The following SIK2 variants were observed in gnomAD, a reference collection of about 807,000 sequenced individuals.
SIK2 encodes serine/threonine-protein kinase SIK2.
In SIK2, 29 loss-of-function variants were observed where a neutral mutation model predicts 103.2. That is an observed-to-expected ratio of 0.28 (90% confidence interval 0.21 to 0.38). SIK2 has a LOEUF of 0.38. Among genes scored for constraint, SIK2 ranks in the 10% least tolerant of loss-of-function variants. SIK2 has a pLI of 1.00. For synonymous variants in SIK2, 412 were observed against 446.1 expected, an observed-to-expected ratio of 0.92 and a Z score of 0.96; for missense variants, 879 against 1,171.0, an observed-to-expected ratio of 0.75 and a Z score of 3.64.
At position 111,723,350 on chromosome 11, in the gene SIK2, C is replaced by G. The variant is rs904320874; in HGVS notation, c.2148-146C>G. The G allele has an allele frequency of 1.5e-5, 12 of 822,514 alleles. No homozygotes were observed. The Middle Eastern group carries it at 1.4e-3, about 99-fold the overall frequency. 51.0% of individuals were successfully genotyped at this position (822,514 alleles called of 1,614,324 possible). Reference sequence around the variant, plus strand: ...GAGATTAGGTTTAAGAGACCCAACACAATTGGTTCCCATTCCCACTTGTTT... The same window carrying G: ...GAGATTAGGTTTAAGAGACCCAACAGAATTGGTTCCCATTCCCACTTGTTT... On this transcript the variant is annotated intron_variant, in intron 14 of 14. Transcript: ENST00000304987.
rs967581108 is a variant in SIK2, at chr11:111,719,906, C to T, written c.1398C>T (p.Pro466=). 9.9e-6 allele frequency: 16 copies of T among 1,614,016 alleles called. No homozygotes were observed. Among genetic ancestry groups the T allele is most frequent in the Middle Eastern group, 3.3e-4 (2 of 6,084 alleles). Residue 466 remains proline, a synonymous_variant, in exon 10 of 15, where the codon CCC becomes CCT. Coordinates refer to ENST00000304987, the MANE Select transcript of SIK2 (RefSeq NM_015191.3). ...LETEGEAEED[P]AHAFEAFQST... ...CAGAAGGAGAGGCCGAGGAAGACCC[C>T]GCTCATGCCTTTGAGGCATTTCAGT...
intron 3 of SIK2, among the ~76,000 whole-genome samples, chr11:111,664,324 A>G (rs1436008348): frequency 2.0e-5 from 3 of 152,160 alleles, no homozygotes; most frequent in South Asian, 2.1e-4. Flanking sequence ...AGAGCATGAA[A>G]TAAGAACCAG....
Position 111,723,623 on chromosome 11 carries a change from C to G in SIK2, c.2275C>G (p.Pro759Ala). 1.9e-6 allele frequency: 3 copies of G among 1,614,174 alleles called. No individual in the cohort carries two copies. The highest frequency in any genetic ancestry group is 1.3e-5 in the African/African-American group (1 of 75,052). ...QQLPLPRQET[P>A]PPSQQAPPFS... ...GCTGCCCCTTCCCCGCCAGGAGACTCCACCGCCTTCTCAGCAGGCCCCACC... is the reference window on the plus strand; with the variant it reads ...GCTGCCCCTTCCCCGCCAGGAGACTGCACCGCCTTCTCAGCAGGCCCCACC... Residue 759 changes from proline to alanine, a missense_variant, in exon 15 of 15, where the codon CCA becomes GCA. Physicochemically the swap from Pro to Ala is conservative, Grantham distance 27. Coordinates refer to ENST00000304987, the MANE Select transcript of SIK2 (RefSeq NM_015191.3).
chr11:111,720,450 G>GT (rs1943767325), intron 10 of SIK2, 28 bp from the exon 11 acceptor site: 1 of 1,566,556 alleles, frequency 6.4e-7, no homozygotes, highest in Non-Finnish European at 8.6e-7. Context: ...ATTGCTGTTG[G>GT]TTTTATCTGT....
In SIK2 at chr11:111,672,057, C is replaced by T. The variant is rs576894060; in HGVS notation, c.317-15944C>T. Reference sequence around the variant, plus strand: ...CCTTGTTCTGCTGCTCCAGGAACCACAACTTGTTGATGAAGGAGGCAAACT... The same window carrying T: ...CCTTGTTCTGCTGCTCCAGGAACCATAACTTGTTGATGAAGGAGGCAAACT... On this transcript the variant is annotated intron_variant, in intron 3 of 14. Transcript: ENST00000304987. The T allele has an allele frequency of 9.1e-5, 46 of 505,420 alleles. No homozygotes were observed. The Admixed American group carries it at 9.8e-4, about 11-fold the overall frequency. The allele number at this position is 505,420 out of a possible 1,614,324, so 31.3% of individuals were successfully genotyped here. A position where few individuals can be genotyped will look rare whatever the true frequency, so the allele number is the denominator to read the frequency against.
chr11:111,657,917 G>A (rs1293973620), intron 3 of SIK2, among the ~76,000 whole-genome samples: 1 of 152,058 alleles, frequency 6.6e-6, no homozygotes, highest in Non-Finnish European at 1.5e-5. Flanking sequence ...AAAATGGGCT[G>A]CAACTATACG....
At chr11:111,716,609 G>C (rs1177162702) in intron 9 of SIK2, among the ~76,000 whole-genome samples, 1 of 151,992 alleles carries the variant, frequency 6.6e-6, no homozygotes, top group Non-Finnish European at 1.5e-5. Flanking sequence ...AGAAAAATCA[G>C]ATCAATGAAA....
chr11:111,650,592 A>G (rs2135863379), intron 3 of SIK2, among the ~76,000 whole-genome samples: 1 of 152,124 alleles, frequency 6.6e-6, no homozygotes, highest in South Asian at 2.1e-4. Flanking sequence ...CTAAAAATAT[A>G]TAAACATTTT....
At chr11:111,622,714 TTAAA>T (rs35499279) in intron 3 of SIK2, among the ~76,000 whole-genome samples, 89,967 of 151,578 alleles carry the variant, frequency 0.59, 29,814 homozygotes, top group East Asian at 0.96. Context: ...TTTCAGTACT[TTAAA>T]TATGTTGCTT....
In SIK2 at chr11:111,678,853, C is replaced by T. The variant is rs11213976; in HGVS notation, c.317-9148C>T. ...AAAACCCCCTTTAAGGGTTCTTTGC[C>T]ATGAAGTGCCAGTTCATGTGCAGAG... On this transcript the variant is annotated intron_variant, in intron 3 of 14. Coordinates refer to ENST00000304987, the MANE Select transcript of SIK2 (RefSeq NM_015191.3). 6.9e-3 allele frequency among the ~76,000 whole-genome samples: 1,054 copies of T among 152,260 alleles called. 10 individuals are homozygous for T. The highest frequency in any genetic ancestry group is 0.024 in the African/African-American group (996 of 41,536).
chr11:111,700,745 T>C (rs921691935), intron 4 of SIK2, 141 bp from the exon 5 acceptor site: 2 of 982,256 alleles, frequency 2.0e-6, no homozygotes, highest in African/African-American at 3.3e-5. Context: ...CAGGGAAACA[T>C]CACAAGATAA....
At chr11:111,677,126 C>T (rs143263299) in intron 3 of SIK2, among the ~76,000 whole-genome samples, 1 of 152,188 alleles carries the variant, frequency 6.6e-6, no homozygotes, top group Admixed American at 6.5e-5. Context: ...ATGTTTAATA[C>T]CATCCAGATG....
chr11:111,615,303 AAG>A (rs1555024414), intron 1 of SIK2, among the ~76,000 whole-genome samples: 48 of 150,074 alleles, frequency 3.2e-4, no homozygotes, highest in Non-Finnish European at 5.8e-4. Context: ...AAAAAAAAAA[AAG>A]AAGAAAAGTT....
chr11:111,683,637 A>C (rs1020854239), intron 3 of SIK2, among the ~76,000 whole-genome samples: 4 of 151,888 alleles, frequency 2.6e-5, no homozygotes, highest in Non-Finnish European at 5.9e-5. Context: ...TAGTTAGTTG[A>C]GATGGGGTTT....
chr11:111,633,070 A>G (rs547048098), intron 3 of SIK2, among the ~76,000 whole-genome samples: 1 of 152,298 alleles, frequency 6.6e-6, no homozygotes, highest in Admixed American at 6.5e-5. Context: ...GCTAATCTCC[A>G]TATTCTCAAA....
intron 1 of SIK2, among the ~76,000 whole-genome samples, chr11:111,603,970 A>T (rs1051701951): frequency 2.7e-4 from 41 of 152,244 alleles, no homozygotes; most frequent in Admixed American, 1.3e-4. Context: ...TCCCGTTTCC[A>T]AAAGGAAGGG....
At chr11:111,645,237 G>A (rs1942239478) in intron 3 of SIK2, among the ~76,000 whole-genome samples, 2 of 152,146 alleles carry the variant, frequency 1.3e-5, no homozygotes. Context: ...CCTATTTCAT[G>A]TACATATAAG....
chr11:111,602,785 C>T lies in SIK2; in HGVS notation c.135+87C>T, dbSNP rs1264035561. On this transcript the variant is annotated intron_variant, in intron 1 of 14. Transcript: ENST00000304987. This position sits in a 1 kb window ranked among gnomAD's most constrained non-coding sequence, Gnocchi z 4.5. ...GAGAGGGGCGGCCGCAGTGGTGGGA[C>T]CGGGGAGACCCGAGAGGCCGCCTCA... The T allele has an allele frequency of 2.9e-6, 4 of 1,394,120 alleles. No homozygotes were observed. The highest frequency in any genetic ancestry group is 3.0e-5 in the East Asian group (1 of 33,084). 86.4% of individuals were successfully genotyped at this position (1,394,120 alleles called of 1,614,324 possible).
intron 8 of SIK2, among the ~76,000 whole-genome samples, chr11:111,706,707 A>G (rs1943357687): frequency 6.6e-6 from 1 of 152,168 alleles, no homozygotes; most frequent in Non-Finnish European, 1.5e-5. Flanking sequence ...CACACCTGTA[A>G]TCCCAGCACT....
Sources: allele counts gnomAD v4.1 joint callset (sites outside exome capture counted in the v4.1 genomes callset), GRCh38; gene constraint gnomAD v4.1.1; non-coding constraint Gnocchi (gnomAD v3.1); transcripts MANE v1.5; gene names NCBI Gene and HGNC (gene_info 2026-07-23, HGNC 2026-07-21).